Variants in FOXP1 observed in about 807,000 individuals in gnomAD.
FOXP1 encodes forkhead box P1, also known as forkhead box protein P1.
Under a neutral mutation model 98.2 loss-of-function variants are expected in FOXP1, and 15 were observed. The ratio of observed to expected loss-of-function variants is 0.15; its 90% CI spans 0.10 to 0.24. The LOEUF (loss-of-function observed/expected upper bound fraction) is 0.24, where lower values mean the gene tolerates loss of function less well. FOXP1 is among the 10% of genes least tolerant of loss of function. The pLI, the probability that FOXP1 is intolerant of heterozygous loss-of-function variation, is 1.00. For synonymous variants in FOXP1, 371 were observed against 314.5 expected, an observed-to-expected ratio of 1.18 and a Z score of -1.90; for missense variants, 633 against 848.5, an observed-to-expected ratio of 0.75 and a Z score of 3.15.
chr3:71,522,925 A>G (rs1037233566), intron 2 of FOXP1, among the ~76,000 whole-genome samples: 3 of 152,208 alleles, frequency 2.0e-5, no homozygotes, highest in African/African-American at 7.2e-5. Context: ...CAGTACTTAC[A>G]CATTTAACTT....
intron 3 of FOXP1, among the ~76,000 whole-genome samples, chr3:71,377,290 T>C (rs1038844108): frequency 6.6e-6 from 1 of 152,214 alleles, no homozygotes; most frequent in Non-Finnish European, 1.5e-5. Context: ...CAGAATTAAA[T>C]GTCCTCTAAT....
chr3:70,979,328 A>ATAAAT (rs1335555298), intron 14 of FOXP1, among the ~76,000 whole-genome samples: 1 of 149,716 alleles, frequency 6.7e-6, no homozygotes, highest in Non-Finnish European at 1.5e-5. Context: ...AAAGAAAAAA[A>ATAAAT]TAAATTAATG....
chr3:71,253,497 C>CCAT (rs904341371), intron 5 of FOXP1, among the ~76,000 whole-genome samples: 14 of 152,180 alleles, frequency 9.2e-5, no homozygotes, highest in South Asian at 4.2e-4. Flanking sequence ...TACTTAGCTA[C>CCAT]CATCATCATC....
rs375398668 is a variant in FOXP1 at position 71,061,467 on chromosome 3, G to T, written c.283-7694C>A. ...CAAGCATATATATAAATCAAAAACTGCAGCAGTTAAAACTATCTATTTGAG... is the reference window on the plus strand; with the variant it reads ...CAAGCATATATATAAATCAAAAACTTCAGCAGTTAAAACTATCTATTTGAG... On this transcript the variant is annotated intron_variant, in intron 7 of 20. Coordinates refer to ENST00000649528, the MANE Select transcript of FOXP1 (RefSeq NM_001349338.3). 2.0e-5 allele frequency among the ~76,000 whole-genome samples: 3 copies of T among 152,210 alleles called. No individual in the cohort carries two copies. The East Asian group carries it at 5.8e-4, about 29-fold the overall frequency.
intron 2 of FOXP1, among the ~76,000 whole-genome samples, chr3:71,535,597 G>A (rs760649718): frequency 1.2e-4 from 19 of 152,136 alleles, no homozygotes; most frequent in South Asian, 2.1e-4. Flanking sequence ...ACGTGGTGGC[G>A]TGCACCTGTG....
intron 2 of FOXP1, among the ~76,000 whole-genome samples, chr3:71,544,451 G>A (rs1271507289): frequency 6.6e-6 from 1 of 151,068 alleles, no homozygotes; most frequent in African/African-American, 2.4e-5. Flanking sequence ...TCTGCTGATC[G>A]TGGAAGTACT....
chr3:71,131,034 G>C (rs2059541566), intron 6 of FOXP1: 1 of 518,396 alleles, frequency 1.9e-6, no homozygotes, highest in Non-Finnish European at 2.5e-6. Flanking sequence ...CATTTACATA[G>C]GCAGGATGCT....
At chr3:71,448,210 C>T (rs2086626421) in intron 3 of FOXP1, among the ~76,000 whole-genome samples, 1 of 152,120 alleles carries the variant, frequency 6.6e-6, no homozygotes, top group South Asian at 2.1e-4. Context: ...TATCCCCTGA[C>T]CAGGGTGAAG....
chr3:71,084,622 ACTGAG>A (rs1440018235), intron 7 of FOXP1, among the ~76,000 whole-genome samples: 1 of 152,234 alleles, frequency 6.6e-6, no homozygotes, highest in East Asian at 1.9e-4. Flanking sequence ...GAAATCACTT[ACTGAG>A]ACCAGGCATG....
Position 71,583,621 on chromosome 3 carries a change from C to A in FOXP1, c.-497G>T. On this transcript the variant is annotated 5_prime_UTR_variant, in exon 1 of 21. Coordinates refer to ENST00000649528, the MANE Select transcript of FOXP1 (RefSeq NM_001349338.3). Reference sequence around the variant, plus strand: ...AACTAAGGTGTTTTCGGGCCTTTCCCCGCGCGCGCCCACTCCCGCCCGCGC... The same window carrying A: ...AACTAAGGTGTTTTCGGGCCTTTCCACGCGCGCGCCCACTCCCGCCCGCGC... The A allele has an allele frequency of 1.0e-6, 1 of 984,286 alleles. No homozygotes were observed. Among genetic ancestry groups the A allele is most frequent in the Non-Finnish European group, 1.2e-6 (1 of 829,620 alleles). The allele number at this position is 984,286 out of a possible 1,614,324, so 61.0% of individuals were successfully genotyped here. A position where few individuals can be genotyped will look rare whatever the true frequency, so the allele number is the denominator to read the frequency against.
At chr3:71,158,066 T>C (rs935851788) in intron 6 of FOXP1, among the ~76,000 whole-genome samples, 1 of 97,582 alleles carries the variant, frequency 1.0e-5, no homozygotes, top group African/African-American at 3.8e-5. Context: ...CCAGCCTGGG[T>C]GGGAGGGTAA....
chr3:71,176,280 G>A (rs1388729442), intron 6 of FOXP1, among the ~76,000 whole-genome samples: 1 of 152,042 alleles, frequency 6.6e-6, no homozygotes, highest in Non-Finnish European at 1.5e-5. Flanking sequence ...GCAATAAAGG[G>A]GACCATGTCA....
rs1553876121 is a variant in FOXP1 at position 71,413,261 on chromosome 3, C to CACACACACAT, written c.-167-54018_-167-54017insATGTGTGTGT. 4.3e-3 allele frequency among the ~76,000 whole-genome samples: 401 copies of CACACACACAT among 93,678 alleles called. 6 individuals are homozygous for CACACACACAT. The highest frequency in any genetic ancestry group is 0.022 in the African/African-American group (369 of 16,970). 61.5% of individuals were successfully genotyped at this position (93,678 alleles called of 152,430 possible). Reference sequence around the variant, plus strand: ...GACACACACACATCCCCCAAATAGACACACACACACACACACACACACACA... The same window carrying CACACACACAT: ...GACACACACACATCCCCCAAATAGACACACACACATACACACACACACACACACACACACA... On this transcript the variant is annotated intron_variant, in intron 3 of 20. Coordinates refer to ENST00000649528, the MANE Select transcript of FOXP1 (RefSeq NM_001349338.3).
intron 6 of FOXP1, among the ~76,000 whole-genome samples, chr3:71,144,490 C>T (rs979037211): frequency 2.0e-5 from 3 of 152,194 alleles, no homozygotes; most frequent in Non-Finnish European, 4.4e-5. Context: ...GTAAAGAAAG[C>T]ATCTCATTCG....
chr3:71,050,023 T>G (rs1457997901), intron 9 of FOXP1, among the ~76,000 whole-genome samples: 1 of 152,150 alleles, frequency 6.6e-6, no homozygotes, highest in Non-Finnish European at 1.5e-5. Context: ...TGACAAAGCA[T>G]GGACCACAGC....
intron 2 of FOXP1, among the ~76,000 whole-genome samples, chr3:71,525,903 G>A (rs948072974): frequency 7.9e-5 from 12 of 152,092 alleles, no homozygotes; most frequent in East Asian, 3.9e-4. Flanking sequence ...ATCACTTGAC[G>A]TCAGGAGTTC....
chr3:70,964,871 C>T (rs2034399962), intron 20 of FOXP1, among the ~76,000 whole-genome samples: 1 of 152,262 alleles, frequency 6.6e-6, no homozygotes, highest in Middle Eastern at 3.4e-3. Flanking sequence ...GCAGATAACA[C>T]TTTTTTCTTT....
chr3:71,365,607 T>C (rs2078866606), intron 3 of FOXP1, among the ~76,000 whole-genome samples: 1 of 151,922 alleles, frequency 6.6e-6, no homozygotes, highest in African/African-American at 2.4e-5. Context: ...ACTGGAAGAG[T>C]GAGACAGAAA....
At chr3:71,056,115 C>A (rs1227849733) in intron 7 of FOXP1, among the ~76,000 whole-genome samples, 6 of 152,160 alleles carry the variant, frequency 3.9e-5, no homozygotes, top group Non-Finnish European at 8.8e-5. Flanking sequence ...TGTATACAAT[C>A]GTCAAAACTC....
Sources: gnomAD v4.1 joint callset for allele counts (sites outside exome capture counted in the v4.1 genomes callset) on GRCh38, gnomAD v4.1.1 for gene constraint, MANE v1.5 for transcripts, NCBI Gene and HGNC (gene_info 2026-07-23, HGNC 2026-07-21) for gene names.